TRAM2: variants seen among roughly 807,000 people sequenced by gnomAD.
The protein encoded by TRAM2 is translocation associated membrane protein 2.
A neutral mutation model predicts 51.0 loss-of-function variants in TRAM2; 12 were observed. That is an observed-to-expected ratio of 0.24 (90% CI 0.15 to 0.38). The LOEUF (loss-of-function observed/expected upper bound fraction) is 0.38, where lower values mean the gene tolerates loss of function less well. TRAM2 is among the 10% of genes least tolerant of loss of function. The pLI is 1.00. For synonymous variants in TRAM2, 175 were observed against 179.4 expected (o/e 0.98, Z 0.20); for missense variants, 361 against 462.0 (o/e 0.78, Z 2.00).
At chr6:52,519,864 G>A (rs1178456982) in intron 2 of TRAM2, among the ~76,000 whole-genome samples, 1 of 151,668 alleles carries the variant, frequency 6.6e-6, no homozygotes, top group African/African-American at 2.4e-5. Context: ...GGACCTCGAG[G>A]ACATTAGACT....
At chr6:52,576,230 G>A (rs567834382) in intron 1 of TRAM2, among the ~76,000 whole-genome samples, 2 of 152,204 alleles carry the variant, frequency 1.3e-5, no homozygotes, top group East Asian at 1.9e-4. Flanking sequence ...GGAGCGAGAC[G>A]AGAGCAGAAG....
At chr6:52,565,076 G>A (rs1023415933) in intron 1 of TRAM2, among the ~76,000 whole-genome samples, 2 of 152,180 alleles carry the variant, frequency 1.3e-5, no homozygotes, top group African/African-American at 4.8e-5. Flanking sequence ...CAGAGTCCAG[G>A]ACAAAGGCTG....
intron 8 of TRAM2, 81 bp from the exon 9 acceptor site, chr6:52,505,823 G>A: frequency 9.9e-6 from 15 of 1,517,656 alleles, no homozygotes; most frequent in East Asian, 2.3e-5. Flanking sequence ...AAGAGACCCC[G>A]AGTGGGAAGA....
rs1383706723 is a variant in TRAM2 at position 52,509,400 on chromosome 6, A to G, written c.470+128T>C. On this transcript the variant is annotated intron_variant, in intron 5 of 10. Transcript: ENST00000182527. ...GCTTCCAGACAAGTCTACCATCCAC[A>G]ATAGGCTCAGGGCATGATCTGCTCG... 4 of 811,742 alleles carry G rather than the reference A, an allele frequency of 4.9e-6. No homozygotes were observed. In the East Asian group the frequency reaches 1.0e-4, roughly 21 times the overall value. The allele number at this position is 811,742 out of a possible 1,614,324, so 50.3% of individuals were successfully genotyped here.
chr6:52,505,410 G>A (rs1766329439), intron 9 of TRAM2, among the ~76,000 whole-genome samples, 189 bp downstream of exon 9: 2 of 152,198 alleles, frequency 1.3e-5, no homozygotes, highest in South Asian at 2.1e-4. Context: ...CAGGACTAGG[G>A]GATGAAGATG....
chr6:52,514,273 A>G (rs1766503278), intron 4 of TRAM2, among the ~76,000 whole-genome samples: 2 of 152,182 alleles, frequency 1.3e-5, no homozygotes, highest in Admixed American at 6.5e-5. Context: ...TTAAAAAAAC[A>G]AGCTGTTTTT....
At position 52,576,925 on chromosome 6, in the gene TRAM2, C is replaced by T. The variant is rs374259657; in HGVS notation, c.-10G>A. The T allele has an allele frequency of 1.9e-6, 3 of 1,607,056 alleles. No individual in the cohort carries two copies. Among genetic ancestry groups the T allele is most frequent in the South Asian group, 1.1e-5 (1 of 90,398 alleles). ...TCCTGCGGAAAGCCATGGCAGCGGG[C>T]GCGCAGCGGCCGGCGGGGCCCGCAC... is the stretch of plus-strand genomic sequence containing the variant. On this transcript the variant is annotated 5_prime_UTR_variant, in exon 1 of 11. Coordinates refer to ENST00000182527, the MANE Select transcript of TRAM2 (RefSeq NM_012288.4).
intron 5 of TRAM2, 47 bp downstream of exon 5, chr6:52,509,481 G>A (rs201934429): frequency 5.6e-5 from 89 of 1,593,972 alleles, no homozygotes; most frequent in Non-Finnish European, 7.4e-5. Flanking sequence ...CAGGAAGGCA[G>A]TGGGCCCGGT....
intron 1 of TRAM2, among the ~76,000 whole-genome samples, chr6:52,557,611 T>C (rs1049663379): frequency 9.9e-5 from 15 of 152,144 alleles, no homozygotes; most frequent in African/African-American, 2.7e-4. Context: ...CCATGTGACA[T>C]GGCAATGAGA....
At chr6:52,554,391 G>A (rs12204126) in intron 1 of TRAM2, among the ~76,000 whole-genome samples, 33,476 of 151,620 alleles carry the variant, frequency 0.22, 3,884 homozygotes, top group Non-Finnish European at 0.27. Context: ...GTGGTGGTGC[G>A]TGTCTGTAAT....
At chr6:52,534,379 CCAAA>C (rs934319197) in intron 2 of TRAM2, among the ~76,000 whole-genome samples, 8 of 152,254 alleles carry the variant, frequency 5.3e-5, no homozygotes, top group African/African-American at 1.4e-4. Flanking sequence ...GAAACTCCAT[CCAAA>C]CAAACAAACA....
At chr6:52,547,215 G>A (rs890202697) in intron 1 of TRAM2, among the ~76,000 whole-genome samples, 2 of 152,188 alleles carry the variant, frequency 1.3e-5, no homozygotes, top group African/African-American at 4.8e-5. Context: ...ACCATGGAGA[G>A]AAATGTGGTT....
At chr6:52,537,731 T>A (rs945144968) in intron 1 of TRAM2, among the ~76,000 whole-genome samples, 4 of 1,432 alleles carry the variant, frequency 2.8e-3, no homozygotes, top group East Asian at 0.025. Context: ...TGCCGTCCCG[T>A]TCCCATTTAT....
In TRAM2 at chr6:52,507,624, C is replaced by T; in HGVS notation, c.556-1G>A. On this transcript the variant is annotated splice_acceptor_variant, in intron 6 of 10. Transcript: ENST00000182527. LOFTEE classifies it high-confidence loss of function. Reference sequence around the variant, plus strand: ...ACTGGAGCTGGCGGGGAATTTCCTCCTGGAAACAAGAGAAGCAGATGGTAA... The same window carrying T: ...ACTGGAGCTGGCGGGGAATTTCCTCTTGGAAACAAGAGAAGCAGATGGTAA... 6.2e-7 allele frequency: 1 copy of T among 1,614,068 alleles called. No homozygotes were observed. The highest frequency in any genetic ancestry group is 8.5e-7 in the Non-Finnish European group (1 of 1,179,992).
chr6:52,560,039 C>A (rs7740442), intron 1 of TRAM2, among the ~76,000 whole-genome samples: 94,375 of 151,848 alleles, frequency 0.62, 30,583 homozygotes, highest in African/African-American at 0.81. Context: ...TCAGGAGTTC[C>A]AGACCAGCCT....
intron 2 of TRAM2, 42 bp from the exon 3 acceptor site, chr6:52,516,779 G>A (rs1441406918): frequency 6.7e-7 from 1 of 1,496,534 alleles, no homozygotes; most frequent in Non-Finnish European, 9.3e-7. Flanking sequence ...CCTGGGGGAA[G>A]GAAATACTCT....
chr6:52,542,786 A>T (rs565155319), intron 1 of TRAM2, among the ~76,000 whole-genome samples: 105 of 152,358 alleles, frequency 6.9e-4, no homozygotes, highest in African/African-American at 2.4e-3. Context: ...GGTTTGTTAC[A>T]GTCATTGATT....
At chr6:52,542,154 C>G (rs1431189081) in intron 1 of TRAM2, among the ~76,000 whole-genome samples, 2 of 151,990 alleles carry the variant, frequency 1.3e-5, no homozygotes, top group African/African-American at 4.8e-5. Context: ...CTAAGGCTTT[C>G]CCCAGATTGA....
intron 1 of TRAM2, among the ~76,000 whole-genome samples, chr6:52,574,961 C>G (rs957169533): frequency 8.5e-5 from 13 of 152,188 alleles, no homozygotes; most frequent in African/African-American, 3.1e-4. Context: ...TTGAGGTTTA[C>G]AGCTGTCACG....
Sources: gnomAD v4.1 joint callset for allele counts (sites outside exome capture counted in the v4.1 genomes callset) on GRCh38, gnomAD v4.1.1 for gene constraint, MANE v1.5 for transcripts, NCBI Gene and HGNC (gene_info 2026-07-23, HGNC 2026-07-21) for gene names.